Variants in MACROD2 observed in about 807,000 individuals in gnomAD.
MACROD2 encodes the protein ADP-ribose glycohydrolase MACROD2.
A neutral mutation model predicts 70.4 loss-of-function variants in MACROD2; 36 were observed. That is an observed-to-expected ratio of 0.51 (90% CI 0.39 to 0.68). The LOEUF (loss-of-function observed/expected upper bound fraction) is 0.68, where lower values mean the gene tolerates loss of function less well. Ranked by LOEUF, MACROD2 falls within the 30% of genes least tolerant of loss-of-function variation. The pLI is 0.00. For missense variants in MACROD2, 496 were observed against 538.4 expected, an observed-to-expected ratio of 0.92 and a Z score of 0.78; for synonymous variants, 172 against 178.8, an observed-to-expected ratio of 0.96 and a Z score of 0.30.
intron 5 of MACROD2, among the ~76,000 whole-genome samples, chr20:14,848,372 C>G (rs985525714): frequency 1.1e-4 from 16 of 152,118 alleles, no homozygotes; most frequent in African/African-American, 9.7e-5. Context: ...GTTTTCTCTC[C>G]TTTTAGATCT....
chr20:15,869,236 T>TAGAGAGAGAGAGAGAGAGAGAGAG (rs1423223643), intron 9 of MACROD2, among the ~76,000 whole-genome samples: 9 of 33,462 alleles, frequency 2.7e-4, no homozygotes, highest in Admixed American at 6.4e-4. Context: ...TATATATATA[T>TAGAGAGAGAGAGAGAGAGAGAGAG]ATAGAGAGAG....
At chr20:14,321,122 T>A (rs1188797749) in intron 3 of MACROD2, among the ~76,000 whole-genome samples, 15 of 151,994 alleles carry the variant, frequency 9.9e-5, no homozygotes, top group Admixed American at 9.8e-4. Flanking sequence ...CCCAGCACTT[T>A]GGGAGGCTGA....
At chr20:14,096,364 CT>C (rs71335950) in intron 3 of MACROD2, among the ~76,000 whole-genome samples, 5,034 of 118,004 alleles carry the variant, frequency 0.043, 79 homozygotes, top group African/African-American at 0.13. Flanking sequence ...GTTATTTTAC[CT>C]TTTTTTTTTT....
chr20:15,856,971 A>G (rs1285524486), intron 8 of MACROD2, among the ~76,000 whole-genome samples: 2 of 152,216 alleles, frequency 1.3e-5, no homozygotes, highest in Admixed American at 6.5e-5. Context: ...CACACCTGTA[A>G]CAAAGAACAT....
chr20:15,874,359 G>A (rs891855434), intron 9 of MACROD2, among the ~76,000 whole-genome samples: 1 of 152,012 alleles, frequency 6.6e-6, no homozygotes, highest in African/African-American at 2.4e-5. Flanking sequence ...ATGGTGAATA[G>A]TGCTGCAATA....
intron 8 of MACROD2, among the ~76,000 whole-genome samples, chr20:15,599,277 AG>A (rs2048786907): frequency 6.6e-6 from 1 of 151,764 alleles, no homozygotes; most frequent in African/African-American, 2.4e-5. Flanking sequence ...CTGTAGTCCC[AG>A]CTACGCGGGA....
intron 5 of MACROD2, among the ~76,000 whole-genome samples, chr20:14,720,117 C>CT (rs1330119772): frequency 1.3e-5 from 2 of 152,052 alleles, no homozygotes; most frequent in African/African-American, 4.8e-5. Flanking sequence ...TTTATTGATA[C>CT]TTTTTTCTCA....
intron 8 of MACROD2, among the ~76,000 whole-genome samples, chr20:15,668,100 A>T (rs1375263227): frequency 1.3e-5 from 2 of 151,766 alleles, no homozygotes; most frequent in African/African-American, 4.8e-5. Context: ...TCTCTACTGA[A>T]AGTACAAAAA....
chr20:14,916,838 T>C (rs6034061), intron 5 of MACROD2, among the ~76,000 whole-genome samples: 56 of 152,122 alleles, frequency 3.7e-4, no homozygotes, highest in Non-Finnish European at 7.4e-4. Context: ...TGTAGGCACA[T>C]GGCCATACTG....
intron 8 of MACROD2, among the ~76,000 whole-genome samples, chr20:15,607,609 C>T (rs1324496949): frequency 1.3e-5 from 2 of 152,240 alleles, no homozygotes; most frequent in Non-Finnish European, 2.9e-5. Context: ...TCTTGGCTCA[C>T]TGCAACCTCT....
At chr20:14,157,616 CTTCATGAGTAAAG>C (rs1232977751) in intron 3 of MACROD2, among the ~76,000 whole-genome samples, 1 of 152,082 alleles carries the variant, frequency 6.6e-6, no homozygotes, top group Non-Finnish European at 1.5e-5. Context: ...ATGAGATAAA[CTTCATGAGTAAAG>C]TTCATGAGAT....
intron 8 of MACROD2, among the ~76,000 whole-genome samples, chr20:15,558,011 T>C (rs2048191383): frequency 6.6e-6 from 1 of 152,202 alleles, no homozygotes; most frequent in South Asian, 2.1e-4. Flanking sequence ...TAATACGCTT[T>C]ACTCAAATCT....
chr20:15,326,287 A>T (rs1038607595), intron 6 of MACROD2, among the ~76,000 whole-genome samples: 14 of 152,100 alleles, frequency 9.2e-5, no homozygotes, highest in African/African-American at 3.1e-4. Flanking sequence ...ATTTGTAAGA[A>T]GTTTAAAATT....
intron 3 of MACROD2, among the ~76,000 whole-genome samples, chr20:14,107,694 TC>T (rs1391348224): frequency 5.5e-5 from 6 of 109,092 alleles, no homozygotes; most frequent in East Asian, 2.7e-4. Flanking sequence ...AGCACCTCTT[TC>T]AGTGGAAACC....
At chr20:15,091,224 G>A (rs1320467114) in intron 5 of MACROD2, among the ~76,000 whole-genome samples, 1 of 151,810 alleles carries the variant, frequency 6.6e-6, no homozygotes, top group African/African-American at 2.4e-5. Flanking sequence ...GTATGGTCTG[G>A]GATCCCCTCC....
chr20:15,922,315 T>G (rs1226961008), intron 10 of MACROD2, among the ~76,000 whole-genome samples: 1 of 152,202 alleles, frequency 6.6e-6, no homozygotes, highest in African/African-American at 2.4e-5. Context: ...GAAGCCACAT[T>G]TATAAAAAAG....
At chr20:15,704,906 C>G (rs2050511299) in intron 8 of MACROD2, among the ~76,000 whole-genome samples, 2 of 152,140 alleles carry the variant, frequency 1.3e-5, no homozygotes, top group South Asian at 4.1e-4. Flanking sequence ...TTACCTCTTC[C>G]AGCCTTGATT....
At chr20:15,252,296 T>A (rs2077162510) in intron 6 of MACROD2, among the ~76,000 whole-genome samples, 1 of 152,196 alleles carries the variant, frequency 6.6e-6, no homozygotes, top group South Asian at 2.1e-4. Context: ...TATAGTTTAA[T>A]CCTGTACCAG....
At chr20:14,530,310 A>G (rs972600647) in intron 4 of MACROD2, among the ~76,000 whole-genome samples, 4 of 152,232 alleles carry the variant, frequency 2.6e-5, no homozygotes, top group Non-Finnish European at 4.4e-5. Flanking sequence ...TGTGAGACCA[A>G]CAACAACTGC....
Sources: allele counts gnomAD v4.1 joint callset (sites outside exome capture counted in the v4.1 genomes callset), GRCh38; gene constraint gnomAD v4.1.1; transcripts MANE v1.5; gene names NCBI Gene and HGNC (gene_info 2026-07-23, HGNC 2026-07-21).